The following MYT1L variants were observed in gnomAD, a reference collection of about 807,000 sequenced individuals.
MYT1L encodes the protein myelin transcription factor 1 like.
Under a neutral mutation model 126.7 loss-of-function variants are expected in MYT1L, and 12 were observed. The observed-to-expected ratio is 0.09, with a 90% CI of 0.06 to 0.15. The LOEUF is 0.15. MYT1L is among the 10% of genes least tolerant of loss of function. The pLI is 1.00. For synonymous variants in MYT1L, 541 were observed against 604.2 expected (o/e 0.90, Z 1.53); for missense variants, 979 against 1,585.2 (o/e 0.62, Z 6.49).
chr2:2,311,699 A>C (rs896204238), intron 1 of MYT1L, among the ~76,000 whole-genome samples: 2 of 152,104 alleles, frequency 1.3e-5, no homozygotes, highest in African/African-American at 4.8e-5. Context: ...ACATTGCTGC[A>C]AGATAGGGGA....
chr2:1,992,630 A>G (rs1241393236), intron 5 of MYT1L, among the ~76,000 whole-genome samples: 1 of 151,748 alleles, frequency 6.6e-6, no homozygotes, highest in Non-Finnish European at 1.5e-5. Context: ...GACTTAACCC[A>G]CTCCATCTTG....
At chr2:2,082,689 T>A (rs550890350) in intron 3 of MYT1L, among the ~76,000 whole-genome samples, 1 of 152,346 alleles carries the variant, frequency 6.6e-6, no homozygotes, top group African/African-American at 2.4e-5. Context: ...ATAATGCTGT[T>A]CACATAGCAT....
intron 8 of MYT1L, among the ~76,000 whole-genome samples, chr2:1,953,670 T>C (rs939145402): frequency 3.3e-5 from 5 of 152,226 alleles, no homozygotes; most frequent in South Asian, 2.1e-4. Context: ...CCAAGTCCCA[T>C]TGTGCGAAGC....
At chr2:2,225,449 C>T (rs138704497) in intron 2 of MYT1L, among the ~76,000 whole-genome samples, 376 of 152,314 alleles carry the variant, frequency 2.5e-3, no homozygotes, top group Middle Eastern at 6.8e-3. Flanking sequence ...AGTCTCGTCT[C>T]GGGCTAAATT....
At chr2:1,936,260 C>G (rs1316045040) in intron 9 of MYT1L, among the ~76,000 whole-genome samples, 3 of 152,226 alleles carry the variant, frequency 2.0e-5, no homozygotes, top group Non-Finnish European at 2.9e-5. Flanking sequence ...ATGATATTTA[C>G]AGCCAGATTT....
At chr2:2,197,457 A>G (rs2092850398) in intron 2 of MYT1L, among the ~76,000 whole-genome samples, 1 of 152,058 alleles carries the variant, frequency 6.6e-6, no homozygotes, top group South Asian at 2.1e-4. Context: ...AACATGGTAT[A>G]TCTATCTATC....
chr2:2,205,216 A>G (rs2093267098), intron 2 of MYT1L, among the ~76,000 whole-genome samples: 1 of 152,046 alleles, frequency 6.6e-6, no homozygotes, highest in African/African-American at 2.4e-5. Context: ...ATGTATACAT[A>G]TGTAACAAAC....
At chr2:2,065,366 T>C (rs2071095628) in intron 3 of MYT1L, among the ~76,000 whole-genome samples, 2 of 152,168 alleles carry the variant, frequency 1.3e-5, no homozygotes, top group Middle Eastern at 3.2e-3. Flanking sequence ...AAGTTAGAAT[T>C]TATAGCAATA....
At chr2:2,330,478 TCAAA>T (rs1169364186) in intron 1 of MYT1L, among the ~76,000 whole-genome samples, 2 of 152,218 alleles carry the variant, frequency 1.3e-5, no homozygotes, top group Non-Finnish European at 2.9e-5. Context: ...ATTATGAACT[TCAAA>T]CATTTAAGTT....
rs376674710 is a variant in MYT1L at position 1,851,744 on chromosome 2, T to A, written c.2712-41A>T. The A allele has an allele frequency of 1.9e-4, 296 of 1,569,360 alleles. No individual in the cohort carries two copies. The highest frequency in any genetic ancestry group is 2.5e-4 in the Non-Finnish European group (287 of 1,140,016). On this transcript the variant is annotated intron_variant, in intron 18 of 24. Coordinates refer to ENST00000647738, the MANE Select transcript of MYT1L (RefSeq NM_001303052.2). ...CAAATTGTGTTAAAATGGAAAGAAA[T>A]AAAGTTCCCTGAACAATTAACTTTT...
chr2:2,031,598 C>T (rs1428882141), intron 4 of MYT1L, among the ~76,000 whole-genome samples: 2 of 140,608 alleles, frequency 1.4e-5, no homozygotes, highest in African/African-American at 5.5e-5. Context: ...GCCAGTGCCT[C>T]TCATCCTGTG....
intron 4 of MYT1L, among the ~76,000 whole-genome samples, chr2:2,005,966 T>C (rs767108532): frequency 7.9e-5 from 12 of 151,474 alleles, no homozygotes; most frequent in Non-Finnish European, 1.3e-4. Context: ...ATGCGTTCTT[T>C]CCTGCAGGTG....
At chr2:2,143,125 C>G (rs1393172713) in intron 3 of MYT1L, among the ~76,000 whole-genome samples, 1 of 151,236 alleles carries the variant, frequency 6.6e-6, no homozygotes, top group Non-Finnish European at 1.5e-5. Flanking sequence ...CCCGTCCCTA[C>G]TAAAAATACA....
At position 2,161,152 on chromosome 2, in the gene MYT1L, G is replaced by A. The variant is rs1414464267; in HGVS notation, c.-304+11720C>T. Among the ~76,000 whole-genome samples the A allele has an allele frequency of 2.0e-5, 3 of 152,152 alleles. No individual in the cohort carries two copies. The East Asian group carries it at 5.8e-4, about 29-fold the overall frequency. On this transcript the variant is annotated intron_variant, in intron 3 of 24. Coordinates refer to ENST00000647738, the MANE Select transcript of MYT1L (RefSeq NM_001303052.2). ...TGCTTGAACCCGGGAGGCAGAGGTT[G>A]CAGTGAGCCGAGATTGCACCACTGC... is the stretch of plus-strand genomic sequence containing the variant.
At chr2:2,189,943 C>T (rs367846128) in intron 2 of MYT1L, among the ~76,000 whole-genome samples, 39 of 152,186 alleles carry the variant, frequency 2.6e-4, no homozygotes, top group African/African-American at 9.4e-4. Flanking sequence ...AGCGCCTTCT[C>T]GGGACCACAC....
intron 18 of MYT1L, among the ~76,000 whole-genome samples, chr2:1,851,962 T>A (rs2043324746): frequency 1.3e-5 from 2 of 152,120 alleles, no homozygotes; most frequent in Admixed American, 1.3e-4. Flanking sequence ...GTCCCTAGGC[T>A]GCTCATTCTA....
At chr2:1,803,473 T>G (rs1273982057) in intron 22 of MYT1L, among the ~76,000 whole-genome samples, 1 of 152,262 alleles carries the variant, frequency 6.6e-6, no homozygotes, top group African/African-American at 2.4e-5. Flanking sequence ...TCAAACTAAC[T>G]GGCCTATCAG....
intron 18 of MYT1L, among the ~76,000 whole-genome samples, chr2:1,867,102 C>T (rs1183623821): frequency 6.7e-6 from 1 of 148,170 alleles, no homozygotes. Context: ...GAAAGAGAGA[C>T]GGAGGGAGAG....
intron 9 of MYT1L, among the ~76,000 whole-genome samples, chr2:1,934,727 TACACACACACACACACACACAC>T (rs56320658): frequency 7.2e-6 from 1 of 138,312 alleles, no homozygotes; most frequent in Non-Finnish European, 1.6e-5. Context: ...CTCTGTCATG[TACACACACACACACACACACAC>T]ACACACACAC....
Sources: allele counts gnomAD v4.1 joint callset (sites outside exome capture counted in the v4.1 genomes callset), GRCh38; gene constraint gnomAD v4.1.1; transcripts MANE v1.5; gene names NCBI Gene and HGNC (gene_info 2026-07-23, HGNC 2026-07-21).